Variants in STRBP observed in about 807,000 individuals in gnomAD.
STRBP encodes the protein spermatid perinuclear RNA binding protein.
In STRBP, 13 loss-of-function variants were observed where a neutral mutation model predicts 80.1. That is an observed-to-expected ratio of 0.16 (90% CI 0.11 to 0.26). The LOEUF (loss-of-function observed/expected upper bound fraction) is 0.26, where lower values mean the gene tolerates loss of function less well. Among genes scored for constraint, STRBP ranks in the 10% least tolerant of loss-of-function variants. The pLI is 1.00. For missense variants in STRBP, 485 were observed against 815.2 expected (o/e 0.59, Z 4.93); for synonymous variants, 284 against 291.2 (o/e 0.98, Z 0.25).
intron 2 of STRBP, among the ~76,000 whole-genome samples, chr9:123,229,307 T>C (rs1344928751): frequency 6.6e-6 from 1 of 152,216 alleles, no homozygotes; most frequent in African/African-American, 2.4e-5. Context: ...CACTGAATTG[T>C]ACATTTTAAA....
chr9:123,239,170 T>C (rs1406520077), intron 1 of STRBP, among the ~76,000 whole-genome samples: 6 of 151,998 alleles, frequency 3.9e-5, no homozygotes, highest in Non-Finnish European at 8.8e-5. Context: ...GGTCAGGAGA[T>C]TGAGACCATC....
chr9:123,265,488 A>G (rs779928097), intron 1 of STRBP, among the ~76,000 whole-genome samples: 10 of 152,232 alleles, frequency 6.6e-5, no homozygotes, highest in Non-Finnish European at 1.5e-4. Flanking sequence ...GATGAAATTT[A>G]TTTCTTAGCA....
chr9:123,173,664 A>C lies in STRBP; in HGVS notation c.390+13T>G. On this transcript the variant is annotated intron_variant, in intron 5 of 18. Transcript: ENST00000348403. ...TACAAATTCGCCTAGAGGTGCAGTT[A>C]AACTGTACTCACCTGAATCTGAATA... The C allele has an allele frequency of 6.3e-7, 1 of 1,595,474 alleles. No individual in the cohort carries two copies. The highest frequency in any genetic ancestry group is 8.5e-7 in the Non-Finnish European group (1 of 1,174,462).
At chr9:123,226,144 A>C (rs886102146) in intron 2 of STRBP, among the ~76,000 whole-genome samples, 1 of 152,220 alleles carries the variant, frequency 6.6e-6, no homozygotes, top group Non-Finnish European at 1.5e-5. Flanking sequence ...TCTCGAAAGC[A>C]CAGAGGCTAA....
At chr9:123,250,465 A>T (rs937039269) in intron 1 of STRBP, among the ~76,000 whole-genome samples, 1 of 152,172 alleles carries the variant, frequency 6.6e-6, no homozygotes, top group African/African-American at 2.4e-5. Flanking sequence ...TAAACAAGAG[A>T]TCGTTGGGGT....
In STRBP at chr9:123,122,918, C is replaced by G. The variant is rs926425538; in HGVS notation, c.*2679G>C. ...AAAAAGGGGTTAAGTACAGATATTGCTAGGTTTCCAAAGGAAAAGTTTTAA... is the reference window on the plus strand; with the variant it reads ...AAAAAGGGGTTAAGTACAGATATTGGTAGGTTTCCAAAGGAAAAGTTTTAA... On this transcript the variant is annotated 3_prime_UTR_variant, in exon 19 of 19. Transcript: ENST00000348403. The G allele has an allele frequency of 5.2e-5, 51 of 985,362 alleles. No individual in the cohort carries two copies. The highest frequency in any genetic ancestry group is 4.0e-5 in the Non-Finnish European group (33 of 829,970). The allele number at this position is 985,362 out of a possible 1,614,324, so 61.0% of individuals were successfully genotyped here.
rs1159106940 is a variant in STRBP at position 123,124,750 on chromosome 9, T to C, written c.*847A>G. 13 of 985,276 alleles carry C rather than the reference T, an allele frequency of 1.3e-5. No individual in the cohort carries two copies. Among genetic ancestry groups the C allele is most frequent in the Non-Finnish European group, 1.6e-5 (13 of 829,928 alleles). The allele number at this position is 985,276 out of a possible 1,614,324, so 61.0% of individuals were successfully genotyped here. ...TTTATTATTTTTAAAAACTTGGAAA[T>C]TCATAAACTAGGATAATCACATTCT... On this transcript the variant is annotated 3_prime_UTR_variant, in exon 19 of 19. Transcript: ENST00000348403.
chr9:123,190,097 T>C (rs1037871667), intron 2 of STRBP, among the ~76,000 whole-genome samples: 1 of 152,034 alleles, frequency 6.6e-6, no homozygotes, highest in African/African-American at 2.4e-5. Context: ...CTGGCCAACA[T>C]GGTGAAATCT....
chr9:123,268,571 C>G lies in STRBP; in HGVS notation c.-437G>C, dbSNP rs1323851738. The G allele has an allele frequency of 1.8e-5, 3 of 167,050 alleles. No homozygotes were observed. Among genetic ancestry groups the G allele is most frequent in the Admixed American group, 6.5e-5 (1 of 15,492 alleles). The allele number at this position is 167,050 out of a possible 1,614,324, so 10.3% of individuals were successfully genotyped here. On this transcript the variant is annotated 5_prime_UTR_variant, in exon 1 of 19. Transcript: ENST00000348403. ...GCTGCTGCCCTGGTGGCGCTCGCGG[C>G]TCCGGTCTCCGCTTCGGCGGCGGCA...
intron 2 of STRBP, among the ~76,000 whole-genome samples, chr9:123,230,091 A>G (rs1184960999): frequency 6.6e-6 from 1 of 152,164 alleles, no homozygotes; most frequent in East Asian, 1.9e-4. Flanking sequence ...TGACTATGGA[A>G]TTTAAGCTGA....
intron 2 of STRBP, among the ~76,000 whole-genome samples, chr9:123,231,445 G>A (rs1224433908): frequency 6.6e-6 from 1 of 152,042 alleles, no homozygotes; most frequent in South Asian, 2.1e-4. Context: ...ACATATAAGC[G>A]CAATTTAATA....
intron 17 of STRBP, 151 bp downstream of exon 17, chr9:123,132,694 T>C: frequency 8.7e-7 from 1 of 1,155,740 alleles, no homozygotes; most frequent in Non-Finnish European, 1.2e-6. Flanking sequence ...CCTATGACAT[T>C]CTGCCAATTC....
intron 10 of STRBP, 98 bp downstream of exon 10, chr9:123,158,234 C>A: frequency 6.7e-7 from 1 of 1,490,248 alleles, no homozygotes; most frequent in South Asian, 1.2e-5. Context: ...CAGCAGAAGT[C>A]CCTAACAACA....
At chr9:123,241,533 A>T (rs2040695210) in intron 1 of STRBP, among the ~76,000 whole-genome samples, 1 of 151,894 alleles carries the variant, frequency 6.6e-6, no homozygotes, top group Admixed American at 6.6e-5. Context: ...AAAAAAAATC[A>T]ATTTTTTTTT....
At chr9:123,152,743 G>A (rs972338987) in intron 11 of STRBP, among the ~76,000 whole-genome samples, 14 of 152,092 alleles carry the variant, frequency 9.2e-5, no homozygotes, top group African/African-American at 1.7e-4. Context: ...AGAGAGAGGC[G>A]GGTACGACTA....
At position 123,147,740 on chromosome 9, in the gene STRBP, C is replaced by T. The variant is rs765352809; in HGVS notation, c.1138+38G>A. The T allele has an allele frequency of 2.8e-6, 4 of 1,410,292 alleles. No individual in the cohort carries two copies. The East Asian group carries it at 9.6e-5, about 34-fold the overall frequency. 87.4% of individuals were successfully genotyped at this position (1,410,292 alleles called of 1,614,324 possible). A position where few individuals can be genotyped will look rare whatever the true frequency, so the allele number is the denominator to read the frequency against. On this transcript the variant is annotated intron_variant, in intron 12 of 18. Coordinates refer to ENST00000348403, the MANE Select transcript of STRBP (RefSeq NM_018387.5). ...TTTTCTATCTGAAGCTACAAGTCCT[C>T]TCTAGTTTGCATCTATAAGAATAAA...
chr9:123,236,370 C>T (rs559700339), intron 2 of STRBP, among the ~76,000 whole-genome samples: 1 of 152,178 alleles, frequency 6.6e-6, no homozygotes, highest in South Asian at 2.1e-4. Flanking sequence ...GTAAGCAAGT[C>T]TATAAAAGTA....
At chr9:123,129,707 G>C (rs969557781) in intron 17 of STRBP, among the ~76,000 whole-genome samples, 1 of 152,168 alleles carries the variant, frequency 6.6e-6, no homozygotes. Flanking sequence ...CAGTCACTGG[G>C]GCAGAGGCTA....
At chr9:123,183,329 G>T (rs2038566171) in intron 3 of STRBP, among the ~76,000 whole-genome samples, 1 of 151,836 alleles carries the variant, frequency 6.6e-6, no homozygotes, top group South Asian at 2.1e-4. Context: ...CCAGCTACTC[G>T]GGAGGCTAAG....
Sources: allele counts gnomAD v4.1 joint callset (sites outside exome capture counted in the v4.1 genomes callset), GRCh38; gene constraint gnomAD v4.1.1; transcripts MANE v1.5; gene names NCBI Gene and HGNC (gene_info 2026-07-23, HGNC 2026-07-21).